The following RNF216 variants were observed in gnomAD, a reference collection of about 807,000 sequenced individuals.
RNF216 encodes the protein E3 ubiquitin-protein ligase RNF216.
A neutral mutation model predicts 110.8 loss-of-function variants in RNF216; 72 were observed. That is an observed-to-expected ratio of 0.65 (90% CI 0.54 to 0.79). RNF216 has a LOEUF of 0.79. Among genes scored for constraint, RNF216 ranks in the 30% least tolerant of loss-of-function variants. The probability of loss-of-function intolerance (pLI) is 0.00; values close to 1 mark genes in which losing one functional copy is unlikely to be tolerated. For synonymous variants in RNF216, 495 were observed against 407.5 expected (o/e 1.21, Z -2.59); for missense variants, 1,342 against 1,141.2 (o/e 1.18, Z -2.54).
At chr7:5,743,418 C>T (rs952156454) in intron 3 of RNF216, among the ~76,000 whole-genome samples, 10 of 152,030 alleles carry the variant, frequency 6.6e-5, no homozygotes, top group Admixed American at 2.6e-4. Context: ...GAAGTTTGTC[C>T]CTGAGTGAAT....
chr7:5,718,550 C>CA (rs1554257580), intron 9 of RNF216, among the ~76,000 whole-genome samples: 2 of 141,604 alleles, frequency 1.4e-5, no homozygotes, highest in African/African-American at 2.6e-5. Flanking sequence ...ATAACCCACC[C>CA]TTTTTTTTTT....
At chr7:5,654,732 G>C (rs1209288473) in intron 13 of RNF216, among the ~76,000 whole-genome samples, 2 of 147,988 alleles carry the variant, frequency 1.4e-5, no homozygotes, top group East Asian at 3.9e-4. Context: ...CAATGGGCTA[G>C]GGTGGGTGGG....
At chr7:5,693,883 T>C (rs566327564) in intron 13 of RNF216, among the ~76,000 whole-genome samples, 58 of 152,264 alleles carry the variant, frequency 3.8e-4, no homozygotes, top group African/African-American at 1.3e-3. Flanking sequence ...TGCTATTTGC[T>C]TAAGAAATCA....
intron 1 of RNF216, among the ~76,000 whole-genome samples, chr7:5,765,787 C>CAAAAAAAAA (rs56903968): frequency 8.1e-6 from 1 of 123,254 alleles, no homozygotes; most frequent in African/African-American, 3.0e-5. Flanking sequence ...TACTAAAATA[C>CAAAAAAAAA]AAAAAAAAAA....
Position 5,734,655 on chromosome 7 carries a change from C to T in RNF216, c.1122-3838G>A, listed in dbSNP as rs188675564. ...GTCTGTCGTTGAAAAATAAAAAATGCTTTAAGAGTTTGGGTAATCCAAGCC... is the reference window on the plus strand; with the variant it reads ...GTCTGTCGTTGAAAAATAAAAAATGTTTTAAGAGTTTGGGTAATCCAAGCC... On this transcript the variant is annotated intron_variant, in intron 5 of 16. Transcript: ENST00000389902. Among the ~76,000 whole-genome samples the T allele has an allele frequency of 6.1e-5, 9 of 148,608 alleles. No homozygotes were observed. The East Asian group carries it at 1.7e-3, about 29-fold the overall frequency.
intron 1 of RNF216, among the ~76,000 whole-genome samples, chr7:5,771,801 A>C (rs2128680813): frequency 6.6e-6 from 1 of 152,178 alleles, no homozygotes; most frequent in African/African-American, 2.4e-5. Context: ...CTGTCCCCCC[A>C]CCAAAAAACA....
At chr7:5,718,531 C>G (rs1326502020) in intron 9 of RNF216, among the ~76,000 whole-genome samples, 4 of 151,292 alleles carry the variant, frequency 2.6e-5, no homozygotes, top group African/African-American at 7.3e-5. Flanking sequence ...TCAAAACAAA[C>G]AGAAAGAAAT....
At chr7:5,752,674 G>C (rs1049332629) in intron 3 of RNF216, among the ~76,000 whole-genome samples, 172 bp downstream of exon 3, 1 of 152,198 alleles carries the variant, frequency 6.6e-6, no homozygotes, top group Non-Finnish European at 1.5e-5. Flanking sequence ...TCCAGAAACA[G>C]ACTGAAACAT....
chr7:5,652,640 A>G (rs1788467828), intron 13 of RNF216, 130 bp from the exon 14 acceptor site: 2 of 657,840 alleles, frequency 3.0e-6, no homozygotes, highest in Non-Finnish European at 5.5e-6. Flanking sequence ...TCTCCTTTTC[A>G]GGGGGGATAT....
chr7:5,656,507 C>T (rs185465849), intron 13 of RNF216, among the ~76,000 whole-genome samples: 6 of 152,252 alleles, frequency 3.9e-5, no homozygotes, highest in East Asian at 1.9e-4. Flanking sequence ...GGGGAAACCA[C>T]GGAGTTCACC....
At chr7:5,767,383 A>G (rs1444897572) in intron 1 of RNF216, among the ~76,000 whole-genome samples, 1 of 152,194 alleles carries the variant, frequency 6.6e-6, no homozygotes, top group African/African-American at 2.4e-5. Flanking sequence ...TGAAGGTCAG[A>G]GTTTGGGGCT....
chr7:5,781,433 G>GCGCCCC (rs1797086016), intron 1 of RNF216, 108 bp downstream of exon 1: 1 of 81,132 alleles, frequency 1.2e-5, no homozygotes, highest in Non-Finnish European at 2.5e-5. Flanking sequence ...CTCACGGCCC[G>GCGCCCC]CGCCCCCGCC....
intron 13 of RNF216, among the ~76,000 whole-genome samples, chr7:5,672,259 A>G (rs984256239): frequency 2.6e-5 from 4 of 152,240 alleles, no homozygotes; most frequent in Non-Finnish European, 5.9e-5. Flanking sequence ...AGAAGAGCAC[A>G]TGGCTTCCTG....
At chr7:5,756,640 C>T (rs984839433) in intron 2 of RNF216, among the ~76,000 whole-genome samples, 1 of 152,028 alleles carries the variant, frequency 6.6e-6, no homozygotes, top group Admixed American at 6.6e-5. Context: ...TTTGTTTTTG[C>T]GACAGGGTCG....
intron 9 of RNF216, among the ~76,000 whole-genome samples, chr7:5,719,760 CT>C: frequency 6.6e-6 from 1 of 152,228 alleles, no homozygotes; most frequent in South Asian, 2.1e-4. Context: ...GAGAAAATGC[CT>C]GCCAAATACC....
chr7:5,706,068 A>C (rs1489837021), intron 13 of RNF216, among the ~76,000 whole-genome samples: 3 of 151,766 alleles, frequency 2.0e-5, no homozygotes, highest in African/African-American at 7.3e-5. Flanking sequence ...AAAATGCAAA[A>C]AATTAGCCGG....
intron 5 of RNF216, among the ~76,000 whole-genome samples, chr7:5,739,052 G>T (rs1265077763): frequency 6.6e-6 from 1 of 152,182 alleles, no homozygotes. Context: ...GGTGCCACTG[G>T]CTTGGGAAGG....
chr7:5,661,136 C>T (rs1302854676), intron 13 of RNF216, among the ~76,000 whole-genome samples: 1 of 151,242 alleles, frequency 6.6e-6, no homozygotes, highest in Non-Finnish European at 1.5e-5. Context: ...GACAGGGTTT[C>T]GCCACATTGA....
chr7:5,740,942 G>A, intron 4 of RNF216, 31 bp downstream of exon 4: 6 of 1,540,152 alleles, frequency 3.9e-6, no homozygotes, highest in East Asian at 2.3e-5. Flanking sequence ...TATATGTAGT[G>A]TCTACATTTA....
Sources: allele counts gnomAD v4.1 joint callset (sites outside exome capture counted in the v4.1 genomes callset), GRCh38; gene constraint gnomAD v4.1.1; transcripts MANE v1.5; gene names NCBI Gene and HGNC (gene_info 2026-07-23, HGNC 2026-07-21).